The following PDE1A variants were observed in gnomAD, a reference collection of about 807,000 sequenced individuals.
The protein encoded by PDE1A is phosphodiesterase 1A.
A neutral mutation model predicts 61.7 loss-of-function variants in PDE1A; 35 were observed. The observed-to-expected ratio is 0.57, with a 90% CI of 0.43 to 0.75. The LOEUF (loss-of-function observed/expected upper bound fraction) is 0.75, where lower values mean the gene tolerates loss of function less well. Ranked by LOEUF, PDE1A falls within the 30% of genes least tolerant of loss-of-function variation. The probability of loss-of-function intolerance (pLI) is 0.00; values close to 1 mark genes in which losing one functional copy is unlikely to be tolerated. For missense variants in PDE1A, 597 were observed against 630.6 expected, an observed-to-expected ratio of 0.95 and a Z score of 0.57; for synonymous variants, 232 against 213.2, an observed-to-expected ratio of 1.09 and a Z score of -0.77.
In PDE1A at chr2:182,272,188, A is replaced by T. The variant is rs1693074109; in HGVS notation, c.54-7774T>A. Among the ~76,000 whole-genome samples the T allele has an allele frequency of 2.6e-5, 4 of 152,152 alleles. No homozygotes were observed. The South Asian group carries it at 8.3e-4, about 32-fold the overall frequency. On this transcript the variant is annotated intron_variant, in intron 1 of 13. Transcript: ENST00000351439. ...CAGAAGAGAATTAGACAAAATTATC[A>T]AAGAAATAGTCACTTTCCCAGAACT...
the PDE1A span, among the ~76,000 whole-genome samples, chr2:182,642,327 A>T: frequency 1.3e-5 from 2 of 152,206 alleles, no homozygotes; most frequent in Admixed American, 1.3e-4. Flanking sequence ...AATTTAAACA[A>T]CATCATCAGA....
chr2:182,212,213 G>A (rs141034964), intron 7 of PDE1A, among the ~76,000 whole-genome samples: 4,695 of 149,836 alleles, frequency 0.031, 239 homozygotes, highest in African/African-American at 0.11. Context: ...TATTACGTAC[G>A]AGATAATGTC....
intron 2 of PDE1A, among the ~76,000 whole-genome samples, chr2:182,442,707 T>C (rs1016640318): frequency 1.3e-5 from 2 of 152,102 alleles, no homozygotes; most frequent in South Asian, 4.1e-4. Context: ...CTTGCAACTT[T>C]AAAATTACAC....
chr2:182,248,865 T>A (rs538021946), intron 2 of PDE1A, among the ~76,000 whole-genome samples: 14 of 152,356 alleles, frequency 9.2e-5, no homozygotes, highest in Middle Eastern at 3.4e-3. Flanking sequence ...ATAAAGGACA[T>A]GTTTCACGCA....
intron 2 of PDE1A, among the ~76,000 whole-genome samples, chr2:182,511,495 A>C (rs1484810540): frequency 6.6e-6 from 1 of 152,078 alleles, no homozygotes; most frequent in Non-Finnish European, 1.5e-5. Flanking sequence ...ACACATACTG[A>C]CTTTTGAGCT....
At chr2:182,704,206 G>A in the PDE1A span, among the ~76,000 whole-genome samples, 20 of 112,502 alleles carry the variant, frequency 1.8e-4, no homozygotes, top group Admixed American at 7.9e-4. Flanking sequence ...GAGACACTCC[G>A]TCTGGAAAAA....
At chr2:182,569,023 C>T in the PDE1A span, among the ~76,000 whole-genome samples, 6 of 151,728 alleles carry the variant, frequency 4.0e-5, no homozygotes, top group South Asian at 2.1e-4. Context: ...GAGTTCAAGA[C>T]GGGTAGATCA....
At chr2:182,408,513 C>T (rs1702431082) in intron 1 of PDE1A, among the ~76,000 whole-genome samples, 1 of 152,184 alleles carries the variant, frequency 6.6e-6, no homozygotes, top group South Asian at 2.1e-4. Flanking sequence ...TAGCCATGGC[C>T]CTGACCTATC....
intron 1 of PDE1A, among the ~76,000 whole-genome samples, chr2:182,391,055 C>G (rs1170098970): frequency 6.6e-6 from 1 of 152,096 alleles, no homozygotes; most frequent in Admixed American, 6.5e-5. Flanking sequence ...AGGAGGTGCA[C>G]AAAATTCCAA....
At chr2:182,386,006 T>C (rs11681620) in intron 1 of PDE1A, among the ~76,000 whole-genome samples, 83,406 of 152,100 alleles carry the variant, frequency 0.55, 23,398 homozygotes, top group East Asian at 0.88. Context: ...ATTGCGGGCG[T>C]GTGCCGCCAC....
At chr2:182,701,192 G>T in the PDE1A span, among the ~76,000 whole-genome samples, 2 of 78,000 alleles carry the variant, frequency 2.6e-5, no homozygotes, top group Non-Finnish European at 5.0e-5. Flanking sequence ...CTGCCACCAC[G>T]CCCGGCTAAT....
chr2:182,711,076 C>G, the PDE1A span, among the ~76,000 whole-genome samples: 1 of 152,140 alleles, frequency 6.6e-6, no homozygotes, highest in African/African-American at 2.4e-5. Flanking sequence ...AGAACCCAAC[C>G]AGTGTGAGGA....
At chr2:182,190,672 T>C (rs1486966941) in intron 10 of PDE1A, among the ~76,000 whole-genome samples, 2 of 152,160 alleles carry the variant, frequency 1.3e-5, no homozygotes, top group Non-Finnish European at 2.9e-5. Context: ...AGAAACATAA[T>C]TTAGGTCAGG....
At chr2:182,205,839 T>C (rs1687053610) in intron 8 of PDE1A, 101 bp downstream of exon 8, 1 of 991,698 alleles carries the variant, frequency 1.0e-6, no homozygotes, top group South Asian at 1.6e-5. Flanking sequence ...AGTTTGTAAT[T>C]TGGGGAATGC....
intron 2 of PDE1A, among the ~76,000 whole-genome samples, chr2:182,508,800 TTTTA>T (rs912382339): frequency 2.1e-5 from 3 of 142,958 alleles, no homozygotes; most frequent in Non-Finnish European, 3.0e-5. Flanking sequence ...TTTTATTTTA[TTTTA>T]TTTTTTATTT....
the PDE1A span, among the ~76,000 whole-genome samples, chr2:182,705,513 T>G: frequency 3.0e-4 from 46 of 151,150 alleles, no homozygotes; most frequent in East Asian, 3.5e-3. Context: ...TCTTTTTTTT[T>G]TTTGTTTTGG....
At chr2:182,597,332 G>A in the PDE1A span, among the ~76,000 whole-genome samples, 28 of 152,174 alleles carry the variant, frequency 1.8e-4, no homozygotes, top group Non-Finnish European at 2.5e-4. Context: ...GACTTATTCT[G>A]GAAGATACAG....
At chr2:182,281,031 CTT>C (rs2125850675) in intron 1 of PDE1A, among the ~76,000 whole-genome samples, 1 of 151,868 alleles carries the variant, frequency 6.6e-6, no homozygotes, top group East Asian at 1.9e-4. Flanking sequence ...AAGATAATCT[CTT>C]TGTTTTTTCT....
chr2:182,348,858 A>G (rs1270444096), intron 1 of PDE1A, among the ~76,000 whole-genome samples: 1 of 151,990 alleles, frequency 6.6e-6, no homozygotes, highest in African/African-American at 2.4e-5. Flanking sequence ...CTACTAAAAC[A>G]GATTGAGCTA....
Sources: allele counts gnomAD v4.1 joint callset (sites outside exome capture counted in the v4.1 genomes callset), GRCh38; gene constraint gnomAD v4.1.1; transcripts MANE v1.5; gene names NCBI Gene and HGNC (gene_info 2026-07-23, HGNC 2026-07-21).